The following ABCA9 variants were observed in gnomAD, a reference collection of about 807,000 sequenced individuals.
ABCA9 encodes ATP-binding cassette sub-family A member 9.
In ABCA9, 183 loss-of-function variants were observed where a neutral mutation model predicts 205.3. The ratio of observed to expected loss-of-function variants is 0.89; its 90% CI spans 0.79 to 1.01. ABCA9 has a LOEUF of 1.01. Ranked by LOEUF, ABCA9 falls within the 50% of genes least tolerant of loss-of-function variation. The pLI, the probability that ABCA9 is intolerant of heterozygous loss-of-function variation, is 0.00. For missense variants in ABCA9, 1,805 were observed against 1,912.4 expected, an observed-to-expected ratio of 0.94 and a Z score of 1.05; for synonymous variants, 651 against 683.3, an observed-to-expected ratio of 0.95 and a Z score of 0.74.
upstream of ABCA9, among the ~76,000 whole-genome samples, chr17:69,063,568 C>T (rs1052754681): frequency 6.6e-6 from 1 of 152,026 alleles, no homozygotes; most frequent in Non-Finnish European, 1.5e-5. Context: ...GTCAGATATC[C>T]TCCAAACATT....
chr17:68,996,301 T>C (rs1457746367), intron 25 of ABCA9, among the ~76,000 whole-genome samples: 1 of 152,264 alleles, frequency 6.6e-6, no homozygotes, highest in Non-Finnish European at 1.5e-5. Context: ...GATTATTTAT[T>C]GTACATTACT....
At chr17:69,049,083 A>T (rs147743030) in intron 3 of ABCA9, among the ~76,000 whole-genome samples, 200 bp downstream of exon 3, 3 of 152,322 alleles carry the variant, frequency 2.0e-5, no homozygotes, top group African/African-American at 7.2e-5. Flanking sequence ...TATGAAGATA[A>T]CCCTTTTAAT....
At chr17:69,001,902 T>C (rs1300058021) in intron 25 of ABCA9, among the ~76,000 whole-genome samples, 31 of 151,844 alleles carry the variant, frequency 2.0e-4, no homozygotes, top group Admixed American at 2.0e-3. Flanking sequence ...AGTTTATTTG[T>C]GTAGAGGTGT....
At position 69,008,192 on chromosome 17, in the gene ABCA9, G is replaced by GA; in HGVS notation, c.3190dup (p.Ser1064PhefsTer30). 6.2e-7 allele frequency: 1 copy of GA among 1,614,110 alleles called. No homozygotes were observed. On this transcript the variant is annotated frameshift_variant, in exon 24 of 39. Coordinates refer to ENST00000340001, the MANE Select transcript of ABCA9 (RefSeq NM_080283.4). LOFTEE classifies it high-confidence loss of function. Reference sequence around the variant, plus strand: ...CAGTGCTTGGCCAAACCAGTATGCAGAAGGGTAGAGGCCTGAAATCCGTAG... The same window carrying GA: ...CAGTGCTTGGCCAAACCAGTATGCAGAAAGGGTAGAGGCCTGAAATCCGTAG...
chr17:69,071,595 A>T, the ABCA9 span, among the ~76,000 whole-genome samples: 5 of 152,366 alleles, frequency 3.3e-5, no homozygotes, highest in South Asian at 1.0e-3. Flanking sequence ...AAAGGTCACC[A>T]ACAGCAAAGA....
chr17:68,986,524 G>T, intron 31 of ABCA9, 200 bp from the exon 32 acceptor site: 1 of 468,364 alleles, frequency 2.1e-6, no homozygotes, highest in Non-Finnish European at 3.7e-6. Flanking sequence ...GTTATCCATT[G>T]TAGTGTAGAC....
At chr17:68,991,161 C>T (rs1160752596) in intron 28 of ABCA9, among the ~76,000 whole-genome samples, 5 of 152,282 alleles carry the variant, frequency 3.3e-5, no homozygotes, top group East Asian at 1.9e-4. Flanking sequence ...ATATCATCTT[C>T]GCTTTTTACC....
intron 34 of ABCA9, 128 bp downstream of exon 34, chr17:68,984,756 AT>A (rs1014748164): frequency 4.1e-5 from 50 of 1,228,496 alleles, no homozygotes; most frequent in African/African-American, 2.3e-4. Context: ...AAATCAGATA[AT>A]TTTTTTTCCT....
upstream of ABCA9, chr17:69,060,991 T>C (rs959641356): frequency 1.0e-6 from 1 of 985,348 alleles, no homozygotes; most frequent in African/African-American, 1.7e-5. Flanking sequence ...ACATTCATTG[T>C]GAATAGTTCT....
At chr17:69,025,166 G>A (rs2070939307) in intron 16 of ABCA9, among the ~76,000 whole-genome samples, 1 of 152,146 alleles carries the variant, frequency 6.6e-6, no homozygotes, top group African/African-American at 2.4e-5. Context: ...CAGAAGATGT[G>A]AGGGAGAAGG....
intron 25 of ABCA9, among the ~76,000 whole-genome samples, chr17:69,003,348 A>G (rs2069964810): frequency 6.6e-6 from 1 of 150,462 alleles, no homozygotes; most frequent in Non-Finnish European, 1.5e-5. Context: ...GCTTGTCTGT[A>G]AAGGATTTTA....
At chr17:68,996,500 A>T (rs956014399) in intron 25 of ABCA9, among the ~76,000 whole-genome samples, 4 of 152,212 alleles carry the variant, frequency 2.6e-5, no homozygotes, top group African/African-American at 9.6e-5. Flanking sequence ...GTCTTTATGT[A>T]TGGACACTTT....
intron 36 of ABCA9, among the ~76,000 whole-genome samples, chr17:68,982,863 A>C (rs1324022281): frequency 2.6e-5 from 4 of 152,160 alleles, no homozygotes; most frequent in African/African-American, 9.7e-5. Context: ...AAAATTAGCC[A>C]GGAATGGTGG....
chr17:69,067,219 AAT>A, the ABCA9 span, among the ~76,000 whole-genome samples: 1 of 151,976 alleles, frequency 6.6e-6, no homozygotes, highest in African/African-American at 2.4e-5. Context: ...TATATAATTA[AAT>A]ATGATTTAAT....
At chr17:69,054,621 TTTC>T (rs1383694172) in intron 1 of ABCA9, among the ~76,000 whole-genome samples, 1 of 151,934 alleles carries the variant, frequency 6.6e-6, no homozygotes, top group African/African-American at 2.4e-5. Context: ...ATAAAAACTT[TTTC>T]TTATTTTTAA....
Position 68,989,101 on chromosome 17 carries a change from A to G in ABCA9, c.3973T>C (p.Leu1325=), listed in dbSNP as rs139762313. 9.7e-5 allele frequency: 156 copies of G among 1,611,820 alleles called. 1 individual carries two copies. The African/African-American group carries it at 2.0e-3, about 20-fold the overall frequency. ...CTTTTACCAGCTCCATTGTGTCCTA[A>G]CAGTCCTATAACTTCACCTGAAAGA... ...CVKKGEVIGL[L]GHNGAGKSTT... Residue 1325 remains leucine (L), a synonymous_variant, in exon 31 of 39, where the codon TTA becomes CTA. Transcript: ENST00000340001.
chr17:69,063,717 C>T (rs550527101), upstream of ABCA9, among the ~76,000 whole-genome samples: 23 of 152,118 alleles, frequency 1.5e-4, no homozygotes, highest in African/African-American at 5.3e-4. Context: ...GAACTACAGG[C>T]GCCCGCCACG....
chr17:69,022,708 T>A (rs2144306147), intron 17 of ABCA9, among the ~76,000 whole-genome samples: 1 of 150,570 alleles, frequency 6.6e-6, no homozygotes, highest in African/African-American at 2.5e-5. Flanking sequence ...AATATGTATG[T>A]AACTTTGCAC....
At chr17:69,050,747 T>A (rs2071876938) in intron 2 of ABCA9, among the ~76,000 whole-genome samples, 1 of 152,168 alleles carries the variant, frequency 6.6e-6, no homozygotes, top group African/African-American at 2.4e-5. Flanking sequence ...AGAATTGTTA[T>A]CTCTGAAGTA....
Sources: gnomAD v4.1 joint callset for allele counts (sites outside exome capture counted in the v4.1 genomes callset) on GRCh38, gnomAD v4.1.1 for gene constraint, MANE v1.5 for transcripts, NCBI Gene and HGNC (gene_info 2026-07-23, HGNC 2026-07-21) for gene names.